The following FAM72B variants were observed in gnomAD, a reference collection of about 807,000 sequenced individuals.
The protein encoded by FAM72B is protein FAM72B.
FAM72B carries 4 observed loss-of-function variants against 12.6 expected under a neutral mutation model. The observed-to-expected ratio is 0.32, with a 90% CI of 0.16 to 0.73. The LOEUF is 0.73. FAM72B is among the 30% of genes least tolerant of loss of function. FAM72B has a pLI of 0.67. For missense variants in FAM72B, 61 were observed against 158.4 expected, an observed-to-expected ratio of 0.39 and a Z score of 3.30; for synonymous variants, 13 against 53.9, an observed-to-expected ratio of 0.24 and a Z score of 3.32.
Position 121,168,786 on chromosome 1 carries a change from T to C in FAM72B, c.405A>G (p.Thr135=). ...CTGAGATATTTAACACATCTTCATCTGTACTCTCTTCTATCTCTGGCAAGT... is the reference window on the plus strand; with the variant it reads ...CTGAGATATTTAACACATCTTCATCCGTACTCTCTTCTATCTCTGGCAAGT... ...WGNLPEIEES[T]DEDVLNISAE... The change falls in exon 4 of 4, where the codon ACA becomes ACG. Residue 135 remains threonine, a synonymous_variant. Coordinates refer to ENST00000369390, the MANE Select transcript of FAM72B (RefSeq NM_001100910.2). The C allele has an allele frequency of 6.2e-7, 1 of 1,606,702 alleles. No homozygotes were observed. Among genetic ancestry groups the C allele is most frequent in the Non-Finnish European group, 8.5e-7 (1 of 1,178,310 alleles).
At chr1:121,182,732 G>A (rs1654361424) in intron 1 of FAM72B, among the ~76,000 whole-genome samples, 1 of 131,750 alleles carries the variant, frequency 7.6e-6, no homozygotes, top group African/African-American at 2.8e-5. Context: ...GTTCAATTAT[G>A]GGAACAAATG....
intron 3 of FAM72B, among the ~76,000 whole-genome samples, chr1:121,174,525 G>A (rs1364940369): frequency 5.6e-4 from 83 of 147,594 alleles, no homozygotes; most frequent in African/African-American, 2.0e-3. Flanking sequence ...GCGCCACCAT[G>A]CCCAGCTAAT....
At chr1:121,182,006 G>A (rs1440860149) in intron 1 of FAM72B, among the ~76,000 whole-genome samples, 2 of 151,972 alleles carry the variant, frequency 1.3e-5, no homozygotes, top group Non-Finnish European at 2.9e-5. Context: ...AATTCACCTA[G>A]CCTTCCTTAT....
chr1:121,177,286 G>T lies in FAM72B; in HGVS notation c.277C>A (p.Leu93Ile), dbSNP rs374825194. The change falls in exon 3 of 4, where the codon CTT becomes ATT. Residue 93 changes from leucine (L) to isoleucine (I), a missense_variant. Transcript: ENST00000369390. The stretch of plus-strand genomic sequence containing the variant: ...AAGTGTCCGTTGTTGCAGGAAGGAA[G>T]ACAGGAACTACATGGAACAATCACA... The part of the protein sequence containing the change: ...YHVIVPCSSC[L>I]PSCNNGHFWM... 7.4e-6 allele frequency: 12 copies of T among 1,611,666 alleles called. No homozygotes were observed. Among genetic ancestry groups the T allele is most frequent in the Non-Finnish European group, 1.0e-5 (12 of 1,179,826 alleles).
chr1:121,178,774 G>A (rs1466083330), intron 2 of FAM72B, among the ~76,000 whole-genome samples: 1 of 150,622 alleles, frequency 6.6e-6, no homozygotes, highest in Non-Finnish European at 1.5e-5. Flanking sequence ...CTGCTCCCTG[G>A]TTAAAACCTC....
chr1:121,168,791 T>C lies in FAM72B; in HGVS notation c.400A>G (p.Ser134Gly). ...LWGNLPEIEE[S>G]TDEDVLNISA... Reference sequence around the variant, plus strand: ...ATATTTAACACATCTTCATCTGTACTCTCTTCTATCTCTGGCAAGTTGCCC... The same window carrying C: ...ATATTTAACACATCTTCATCTGTACCCTCTTCTATCTCTGGCAAGTTGCCC... The change falls in exon 4 of 4, where the codon AGT (serine) becomes GGT (glycine). Residue 134 changes from serine to glycine, a missense_variant. Transcript: ENST00000369390. 1 of 1,606,960 alleles carries C rather than the reference T, an allele frequency of 6.2e-7. No individual in the cohort carries two copies. Among genetic ancestry groups the C allele is most frequent in the Non-Finnish European group, 8.5e-7 (1 of 1,178,456 alleles).
intron 2 of FAM72B, among the ~76,000 whole-genome samples, chr1:121,179,739 A>G (rs1654292273): frequency 7.1e-6 from 1 of 141,776 alleles, no homozygotes; most frequent in African/African-American, 2.7e-5. Flanking sequence ...GAGGCAGGAG[A>G]TTCGCTTGAA....
At chr1:121,180,436 C>A (rs1358188342) in intron 2 of FAM72B, among the ~76,000 whole-genome samples, 1 of 133,050 alleles carries the variant, frequency 7.5e-6, no homozygotes, top group Non-Finnish European at 1.6e-5. Flanking sequence ...GTAATCCCAG[C>A]TACTCAGGAG....
chr1:121,168,411 G>T lies in FAM72B; in HGVS notation c.*330C>A. ...CTTTATTCAGGAATGTAAAATTAATGGTATCTGGTATCAAGTTGTAAGAAA... is the reference window on the plus strand; with the variant it reads ...CTTTATTCAGGAATGTAAAATTAATTGTATCTGGTATCAAGTTGTAAGAAA... On this transcript the variant is annotated 3_prime_UTR_variant, in exon 4 of 4. Transcript: ENST00000369390. 1 of 179,768 alleles carries T rather than the reference G, an allele frequency of 5.6e-6. No individual in the cohort carries two copies. The highest frequency in any genetic ancestry group is 1.2e-5 in the Non-Finnish European group (1 of 86,080). The allele number at this position is 179,768 out of a possible 1,614,324, so 11.1% of individuals were successfully genotyped here.
At position 121,168,758 on chromosome 1, in the gene FAM72B, C is replaced by T; in HGVS notation, c.433G>A (p.Glu145Lys). 8.8e-6 allele frequency: 14 copies of T among 1,596,200 alleles called. No homozygotes were observed. Among genetic ancestry groups the T allele is most frequent in the Non-Finnish European group, 1.2e-5 (14 of 1,175,300 alleles). ...AATTCCATTTATCTAATACACTCCT[C>T]TGCTGAGATATTTAACACATCTTCA... ...TDEDVLNISAEECIR is the reference protein window; with the variant it reads ...TDEDVLNISAKECIR Residue 145 changes from glutamate to lysine, a missense_variant, in exon 4 of 4, where the codon GAG (glutamate) becomes AAG (lysine). Physicochemically the swap from Glu to Lys is moderately conservative, Grantham distance 56. Transcript: ENST00000369390.
At chr1:121,182,831 C>CAG (rs1300745498) in intron 1 of FAM72B, 4 of 89,582 alleles carry the variant, frequency 4.5e-5, no homozygotes, top group East Asian at 3.9e-4. Context: ...ACATCTCTTT[C>CAG]AGAGAGAGAG....
In FAM72B at chr1:121,168,704, G is replaced by GA. The variant is rs782512746; in HGVS notation, c.*36dup. 7.2e-7 allele frequency: 1 copy of GA among 1,393,558 alleles called. No individual in the cohort carries two copies. The highest frequency in any genetic ancestry group is 9.5e-7 in the Non-Finnish European group (1 of 1,056,420). The allele number at this position is 1,393,558 out of a possible 1,614,324, so 86.3% of individuals were successfully genotyped here. A position where few individuals can be genotyped will look rare whatever the true frequency, so the allele number is the denominator to read the frequency against. ...TGATCCATTAATATATTTTTAAATA[G>GA]AAAAAAGTTTGTATATCATATATAT... On this transcript the variant is annotated 3_prime_UTR_variant, in exon 4 of 4. Transcript: ENST00000369390.
intron 3 of FAM72B, among the ~76,000 whole-genome samples, chr1:121,170,146 T>G (rs1553316011): frequency 6.6e-6 from 1 of 151,488 alleles, no homozygotes; most frequent in East Asian, 2.0e-4. Context: ...AATTTTTGTA[T>G]TTTTAGTAGA....
chr1:121,180,704 A>C (rs1461662811), intron 2 of FAM72B, among the ~76,000 whole-genome samples: 1 of 151,778 alleles, frequency 6.6e-6, no homozygotes, highest in Non-Finnish European at 1.5e-5. Flanking sequence ...TACAAAAATA[A>C]AAAACTTAGC....
chr1:121,179,387 CA>C (rs770676099), intron 2 of FAM72B, among the ~76,000 whole-genome samples: 3 of 144,960 alleles, frequency 2.1e-5, no homozygotes, highest in African/African-American at 5.1e-5. Context: ...CAAAACAAAA[CA>C]AAAAAAATGT....
intron 3 of FAM72B, among the ~76,000 whole-genome samples, chr1:121,170,172 C>T (rs1478996775): frequency 2.0e-5 from 3 of 150,086 alleles, no homozygotes; most frequent in South Asian, 2.1e-4. Flanking sequence ...GGTTTCACCA[C>T]GTTGGTCAGG....
intron 3 of FAM72B, among the ~76,000 whole-genome samples, chr1:121,169,543 G>C (rs1189121575): frequency 3.3e-5 from 5 of 151,832 alleles, no homozygotes; most frequent in Non-Finnish European, 7.4e-5. Context: ...TAGATTAAAT[G>C]CCTCTTTGGA....
At chr1:121,169,910 A>G (rs1553315955) in intron 3 of FAM72B, among the ~76,000 whole-genome samples, 2 of 152,226 alleles carry the variant, frequency 1.3e-5, no homozygotes, top group Non-Finnish European at 2.9e-5. Flanking sequence ...TTAGTTAAAA[A>G]CACTAAATGG....
intron 3 of FAM72B, among the ~76,000 whole-genome samples, chr1:121,173,086 A>T: frequency 6.6e-6 from 1 of 151,248 alleles, no homozygotes; most frequent in Non-Finnish European, 1.5e-5. Flanking sequence ...TCAAAAAAAA[A>T]AAAAAAGAAT....
Sources: gnomAD v4.1 joint callset for allele counts (sites outside exome capture counted in the v4.1 genomes callset) on GRCh38, gnomAD v4.1.1 for gene constraint, MANE v1.5 for transcripts, NCBI Gene and HGNC (gene_info 2026-07-23, HGNC 2026-07-21) for gene names.